CSE1L: variants seen among roughly 807,000 people sequenced by gnomAD.
CSE1L encodes the protein chromosome segregation 1 like.
In CSE1L, 24 loss-of-function variants were observed where a neutral mutation model predicts 120.4. The observed-to-expected ratio is 0.20, with a 90% CI of 0.14 to 0.28. The LOEUF is 0.28. Ranked by LOEUF, CSE1L falls within the 10% of genes least tolerant of loss-of-function variation. CSE1L has a pLI of 1.00. For missense variants in CSE1L, 830 were observed against 1,145.2 expected (o/e 0.72, Z 3.97); for synonymous variants, 402 against 398.3 (o/e 1.01, Z -0.11).
intron 22 of CSE1L, among the ~76,000 whole-genome samples, 161 bp from the exon 23 acceptor site, chr20:49,093,979 T>C (rs1329879655): frequency 1.3e-5 from 2 of 151,260 alleles, no homozygotes; most frequent in Non-Finnish European, 2.9e-5. Flanking sequence ...TGTGATGGGG[T>C]TTTTTTATGT....
At chr20:49,092,720 G>T (rs1037601154) in intron 22 of CSE1L, among the ~76,000 whole-genome samples, 2 of 151,914 alleles carry the variant, frequency 1.3e-5, no homozygotes, top group African/African-American at 4.8e-5. Flanking sequence ...TAATGTAAAT[G>T]ACGAGTTAAT....
rs771282629 is a variant in CSE1L at position 49,084,130 on chromosome 20, C to G, written c.1587C>G (p.Leu529=). 2.0e-5 allele frequency: 32 copies of G among 1,613,922 alleles called. No homozygotes were observed. The highest frequency in any genetic ancestry group is 2.5e-5 in the Non-Finnish European group (30 of 1,179,982). The change falls in exon 15 of 25, where the codon CTC becomes CTG. Residue 529 remains leucine (L), a synonymous_variant. Coordinates refer to ENST00000262982, the MANE Select transcript of CSE1L (RefSeq NM_001316.4). ...HTYAAHALER[L]FTMRGPNNAT... is the part of the protein sequence containing the mutation. Reference sequence around the variant, plus strand: ...ACGCAGCTCATGCTCTTGAACGGCTCTTTACTATGCGAGGGCCTAACAATG... The same window carrying G: ...ACGCAGCTCATGCTCTTGAACGGCTGTTTACTATGCGAGGGCCTAACAATG...
intron 3 of CSE1L, among the ~76,000 whole-genome samples, 174 bp from the exon 4 acceptor site, chr20:49,066,018 A>G (rs910638894): frequency 2.0e-5 from 3 of 152,234 alleles, no homozygotes; most frequent in Non-Finnish European, 2.9e-5. Flanking sequence ...TCATCAGATT[A>G]TTGAAGGAAT....
At position 49,092,274 on chromosome 20, in the gene CSE1L, G is replaced by A. The variant is rs138985858; in HGVS notation, c.2447+147G>A. ...TTTTCAAAATATTCTTAGGTATTGG[G>A]AGTAAAGAAAAAGTAATCCTGGCCC... is the stretch of plus-strand genomic sequence containing the variant. On this transcript the variant is annotated intron_variant, in intron 22 of 24. Transcript: ENST00000262982. 5.7e-3 allele frequency: 3,126 copies of A among 549,576 alleles called. 31 individuals carry two copies. The highest frequency in any genetic ancestry group is 0.012 in the Middle Eastern group (24 of 2,050). 34.0% of individuals were successfully genotyped at this position (549,576 alleles called of 1,614,324 possible). A position where few individuals can be genotyped will look rare whatever the true frequency, so the allele number is the denominator to read the frequency against.
intron 1 of CSE1L, among the ~76,000 whole-genome samples, chr20:49,057,248 G>A (rs2091815962): frequency 6.6e-6 from 1 of 151,996 alleles, no homozygotes; most frequent in Admixed American, 6.6e-5. Flanking sequence ...TTTTGTTTAA[G>A]CTTTAAATAT....
chr20:49,090,284 G>A (rs1368204105), intron 19 of CSE1L, among the ~76,000 whole-genome samples: 2 of 152,150 alleles, frequency 1.3e-5, no homozygotes, highest in African/African-American at 2.4e-5. Context: ...TTGGTCGGGC[G>A]TGGTGGCTCA....
intron 3 of CSE1L, 40 bp from the exon 4 acceptor site, chr20:49,066,152 G>T: frequency 6.6e-7 from 1 of 1,519,648 alleles, no homozygotes; most frequent in South Asian, 1.1e-5. Context: ...ACATGAATGT[G>T]GATTTTGTGT....
At position 49,089,705 on chromosome 20, in the gene CSE1L, C is replaced by T. The variant is rs375067125; in HGVS notation, c.2140C>T (p.Arg714Cys). Reference protein sequence around the residue: ...LVRLLQAFLERGSNTIASAAA... With the variant: ...LVRLLQAFLECGSNTIASAAA... ...GAGGCTTCTTCAAGCATTCTTAGAACGCGGTTCAAACACAATAGCAAGTGC... is the reference window on the plus strand; with the variant it reads ...GAGGCTTCTTCAAGCATTCTTAGAATGCGGTTCAAACACAATAGCAAGTGC... Residue 714 changes from arginine to cysteine, a missense_variant, in exon 19 of 25, where the codon CGC becomes TGC. Physicochemically the swap from Arg to Cys is radical, Grantham distance 180. This residue lies in a region of CSE1L where 168 missense variants were observed against 267.9 expected (regional missense o/e 0.63). Transcript: ENST00000262982. 1.1e-5 allele frequency: 18 copies of T among 1,614,002 alleles called. No homozygotes were observed. Among genetic ancestry groups the T allele is most frequent in the Non-Finnish European group, 1.4e-5 (16 of 1,180,028 alleles).
chr20:49,064,554 A>G (rs763881787), intron 3 of CSE1L, among the ~76,000 whole-genome samples: 15 of 152,096 alleles, frequency 9.9e-5, no homozygotes, highest in Non-Finnish European at 1.8e-4. Context: ...TCCAAAAAAT[A>G]CAAAAATTAG....
chr20:49,065,313 A>AATTTTTTTTTTTT (rs775165525), intron 3 of CSE1L, among the ~76,000 whole-genome samples: 3 of 52,118 alleles, frequency 5.8e-5, no homozygotes, highest in African/African-American at 1.3e-4. Context: ...TGAAAAAAAA[A>AATTTTTTTTTTTT]TTTTTTTTTT....
At chr20:49,080,898 C>G (rs2092007405) in intron 14 of CSE1L, among the ~76,000 whole-genome samples, 1 of 152,116 alleles carries the variant, frequency 6.6e-6, no homozygotes, top group Non-Finnish European at 1.5e-5. Flanking sequence ...GCCTAAGCCT[C>G]CCTGAGTAGC....
rs1204608447 is a variant in CSE1L, at chr20:49,072,549, T to A, written c.937-19T>A. 6.2e-7 allele frequency: 1 copy of A among 1,604,450 alleles called. No individual in the cohort carries two copies. The highest frequency in any genetic ancestry group is 8.5e-7 in the Non-Finnish European group (1 of 1,174,948). On this transcript the variant is annotated intron_variant, in intron 9 of 24. Coordinates refer to ENST00000262982, the MANE Select transcript of CSE1L (RefSeq NM_001316.4). ...AGTTTTGCTTTTAAAAATATTCTTG[T>A]TTTTGTGTTTTGTTCCAGTTGGTAA...
intron 1 of CSE1L, among the ~76,000 whole-genome samples, chr20:49,051,230 G>GA (rs1019879327): frequency 1.3e-5 from 2 of 152,138 alleles, no homozygotes; most frequent in African/African-American, 4.8e-5. Context: ...AGGCATCTCT[G>GA]AAAAAAAGAT....
rs753165495 is a variant in CSE1L at position 49,066,221 on chromosome 20, A to G, written c.258A>G (p.Glu86=). 1.2e-5 allele frequency: 20 copies of G among 1,614,092 alleles called. No homozygotes were observed. The African/African-American group carries it at 2.7e-4, about 22-fold the overall frequency. The change falls in exon 4 of 25, where the codon GAA becomes GAG. Residue 86 remains glutamate (E), a synonymous_variant. Coordinates refer to ENST00000262982, the MANE Select transcript of CSE1L (RefSeq NM_001316.4). Reference sequence around the variant, plus strand: ...AAGATGAACCAAACAAAATTTGTGAAGCCGATCGAGTGGCCATTAAAGCCA... The same window carrying G: ...AAGATGAACCAAACAAAATTTGTGAGGCCGATCGAGTGGCCATTAAAGCCA... ...IVEDEPNKIC[E]ADRVAIKANI...
In CSE1L at chr20:49,073,381, C is replaced by T. The variant is rs1299455357; in HGVS notation, c.1066+684C>T. ...TTTATAAATACAAGGTTGAAGCCCA[C>T]TTAGTTTGTGCTTAAGGTTAAACTA... On this transcript the variant is annotated intron_variant, in intron 10 of 24. Transcript: ENST00000262982. 3.9e-5 allele frequency among the ~76,000 whole-genome samples: 6 copies of T among 152,144 alleles called. No individual in the cohort carries two copies. The East Asian group carries it at 5.8e-4, about 15-fold the overall frequency.
At chr20:49,077,120 A>G (rs2091974661) in intron 13 of CSE1L, 56 bp downstream of exon 13, 2 of 1,035,524 alleles carry the variant, frequency 1.9e-6, no homozygotes, top group African/African-American at 1.6e-5. Context: ...CCTGAATTCA[A>G]AAAACAGCTT....
intron 1 of CSE1L, among the ~76,000 whole-genome samples, chr20:49,054,419 T>G (rs1489896722): frequency 1.3e-5 from 2 of 152,186 alleles, no homozygotes; most frequent in Non-Finnish European, 2.9e-5. Context: ...TTCTATTGTG[T>G]TGTGAGTGCT....
chr20:49,075,290 C>T (rs1300842434), intron 11 of CSE1L, 28 bp from the exon 12 acceptor site: 1 of 1,551,960 alleles, frequency 6.4e-7, no homozygotes, highest in Admixed American at 1.7e-5. Context: ...TTTTTTTCCC[C>T]ATAATATATT....
intron 13 of CSE1L, among the ~76,000 whole-genome samples, chr20:49,078,082 ATATTT>A (rs1469488366): frequency 6.6e-6 from 1 of 152,226 alleles, no homozygotes; most frequent in Non-Finnish European, 1.5e-5. Flanking sequence ...TTTAAAAAAA[ATATTT>A]TAATGTAGGA....
Sources: allele counts gnomAD v4.1 joint callset (sites outside exome capture counted in the v4.1 genomes callset), GRCh38; gene constraint gnomAD v4.1.1; regional missense constraint gnomAD v4.1.1; transcripts MANE v1.5; gene names NCBI Gene and HGNC (gene_info 2026-07-23, HGNC 2026-07-21).